MAP4K4: variants seen among roughly 807,000 people sequenced by gnomAD.
MAP4K4 encodes the protein mitogen-activated protein kinase kinase kinase kinase 4.
MAP4K4 carries 38 observed loss-of-function variants against 189.6 expected under a neutral mutation model. The observed-to-expected ratio is 0.20, with a 90% CI of 0.15 to 0.26. The LOEUF is 0.26. Among genes scored for constraint, MAP4K4 ranks in the 10% least tolerant of loss-of-function variants. The pLI, the probability that MAP4K4 is intolerant of heterozygous loss-of-function variation, is 1.00. For missense variants in MAP4K4, 1,054 were observed against 1,726.9 expected (o/e 0.61, Z 6.91); for synonymous variants, 610 against 624.3 (o/e 0.98, Z 0.34).
At chr2:101,808,114 T>C (rs893714082) in intron 3 of MAP4K4, among the ~76,000 whole-genome samples, 15 of 152,210 alleles carry the variant, frequency 9.9e-5, no homozygotes, top group African/African-American at 3.4e-4. Context: ...GACCATCAGT[T>C]CTGGTTGTTT....
chr2:101,818,918 ACCTTTTTTTCCTTACTAAAAAGGC>A lies in MAP4K4; in HGVS notation c.181-5008_181-4985del, dbSNP rs529664612. On this transcript the variant is annotated intron_variant, in intron 3 of 32. Transcript: ENST00000324219. ...CACCATTTGAGTAACCAGGAGGGGG[ACCTTTTTTTCCTTACTAAAAAGGC>A]CTCTCTCTCCTCTTCAAGTTACTCT... 1.1e-3 allele frequency among the ~76,000 whole-genome samples: 171 copies of A among 152,180 alleles called. 2 individuals carry two copies. Among genetic ancestry groups the A allele is most frequent in the African/African-American group, 3.8e-3 (158 of 41,498 alleles).
intron 3 of MAP4K4, among the ~76,000 whole-genome samples, chr2:101,820,764 C>A (rs1485478848): frequency 6.6e-6 from 1 of 152,202 alleles, no homozygotes; most frequent in Admixed American, 6.5e-5. Context: ...CTCAGAAACC[C>A]TCAGATACCA....
At chr2:101,724,779 G>A (rs192782931) in intron 2 of MAP4K4, among the ~76,000 whole-genome samples, 2 of 152,308 alleles carry the variant, frequency 1.3e-5, no homozygotes, top group South Asian at 2.1e-4. Context: ...CCAGAAATCT[G>A]TATTTTTTTA....
At chr2:101,851,075 G>A (rs1559184720) in intron 12 of MAP4K4, among the ~76,000 whole-genome samples, 1 of 152,162 alleles carries the variant, frequency 6.6e-6, no homozygotes, top group Non-Finnish European at 1.5e-5. Flanking sequence ...ATTTTATTTA[G>A]AAAAGTTTTT....
At chr2:101,775,176 A>G (rs1201123198) in intron 2 of MAP4K4, among the ~76,000 whole-genome samples, 1 of 151,366 alleles carries the variant, frequency 6.6e-6, no homozygotes, top group Non-Finnish European at 1.5e-5. Flanking sequence ...TTGTGGGGCC[A>G]TTATTGGTAC....
intron 2 of MAP4K4, among the ~76,000 whole-genome samples, chr2:101,743,901 G>A (rs568560525): frequency 3.3e-5 from 5 of 152,222 alleles, no homozygotes; most frequent in East Asian, 1.9e-4. Context: ...CAGGTGATCC[G>A]CCCTCCTTGG....
intron 2 of MAP4K4, among the ~76,000 whole-genome samples, chr2:101,766,771 G>A (rs1455641260): frequency 6.6e-6 from 1 of 152,064 alleles, no homozygotes; most frequent in African/African-American, 2.4e-5. Context: ...CATAGGTTGA[G>A]GTACCTTCTT....
exon 1 of MAP4K4, chr2:101,698,098 T>C (rs766075241): frequency 7.6e-7 from 1 of 1,320,384 alleles, no homozygotes; most frequent in South Asian, 1.2e-5. Flanking sequence ...ACGACTCCCC[T>C]GCAAAAAGTC....
intron 2 of MAP4K4, among the ~76,000 whole-genome samples, chr2:101,738,731 C>T (rs965930316): frequency 1.4e-4 from 21 of 151,958 alleles, no homozygotes; most frequent in African/African-American, 5.1e-4. Flanking sequence ...TTTTCTTGCC[C>T]TCTGCTTGCT....
At chr2:101,879,831 C>CTT (rs60874878) in intron 27 of MAP4K4, among the ~76,000 whole-genome samples, 9 of 125,000 alleles carry the variant, frequency 7.2e-5, no homozygotes, top group Non-Finnish European at 1.5e-4. Flanking sequence ...TCAGCTGCTG[C>CTT]TTTTTTTTTT....
intron 3 of MAP4K4, among the ~76,000 whole-genome samples, chr2:101,793,576 T>TG (rs2093293967): frequency 6.6e-6 from 1 of 151,510 alleles, no homozygotes; most frequent in South Asian, 2.1e-4. Context: ...TGGTTTTTTT[T>TG]TTTTTTTTTT....
At chr2:101,883,804 C>T (rs1197156794) in intron 28 of MAP4K4, among the ~76,000 whole-genome samples, 2 of 152,084 alleles carry the variant, frequency 1.3e-5, no homozygotes, top group Non-Finnish European at 2.9e-5. Flanking sequence ...AGTTTGTCTG[C>T]ACCCCTCAGC....
At chr2:101,772,203 G>A (rs561528693) in intron 2 of MAP4K4, among the ~76,000 whole-genome samples, 3 of 152,348 alleles carry the variant, frequency 2.0e-5, no homozygotes, top group East Asian at 3.9e-4. Flanking sequence ...TGTACTCAAC[G>A]TCTCAGCCAC....
chr2:101,834,881 T>C (rs2096703509), intron 8 of MAP4K4, among the ~76,000 whole-genome samples: 1 of 152,248 alleles, frequency 6.6e-6, no homozygotes. Context: ...TTTGTGCGTG[T>C]TAACTGAAAT....
intron 3 of MAP4K4, among the ~76,000 whole-genome samples, chr2:101,820,712 C>G (rs1268403376): frequency 6.6e-6 from 1 of 152,178 alleles, no homozygotes; most frequent in African/African-American, 2.4e-5. Context: ...ACAAGCCTCA[C>G]TAGGGCTGTC....
At chr2:101,858,058 T>C (rs1211632199) in intron 13 of MAP4K4, among the ~76,000 whole-genome samples, 1 of 152,216 alleles carries the variant, frequency 6.6e-6, no homozygotes, top group East Asian at 1.9e-4. Context: ...GGTTATTTCA[T>C]ATCAATCTCA....
intron 27 of MAP4K4, among the ~76,000 whole-genome samples, chr2:101,882,089 AC>A (rs1229976993): frequency 6.6e-6 from 1 of 152,198 alleles, no homozygotes; most frequent in Non-Finnish European, 1.5e-5. Flanking sequence ...TGCCAAACTT[AC>A]AAAAACAGTT....
chr2:101,701,829 GAAAT>G (rs976036570), intron 2 of MAP4K4, among the ~76,000 whole-genome samples: 9 of 152,106 alleles, frequency 5.9e-5, no homozygotes, highest in African/African-American at 1.9e-4. Context: ...ATTAAAACCA[GAAAT>G]AAATCAAGTT....
intron 2 of MAP4K4, among the ~76,000 whole-genome samples, chr2:101,745,010 A>G (rs1354790353): frequency 6.6e-6 from 1 of 152,176 alleles, no homozygotes. Context: ...ATGGTGCAGC[A>G]TCACCTTTTT....
Sources: gnomAD v4.1 joint callset for allele counts (sites outside exome capture counted in the v4.1 genomes callset) on GRCh38, gnomAD v4.1.1 for gene constraint, MANE v1.5 for transcripts, NCBI Gene and HGNC (gene_info 2026-07-23, HGNC 2026-07-21) for gene names.